The following ZNF385B variants were observed in gnomAD, a reference collection of about 807,000 sequenced individuals.
The protein encoded by ZNF385B is zinc finger protein 385B.
Under a neutral mutation model 39.2 loss-of-function variants are expected in ZNF385B, and 23 were observed. The ratio of observed to expected loss-of-function variants is 0.59; its 90% CI spans 0.42 to 0.83. The LOEUF is 0.83. Ranked by LOEUF, ZNF385B falls within the 40% of genes least tolerant of loss-of-function variation. The pLI, the probability that ZNF385B is intolerant of heterozygous loss-of-function variation, is 0.00. For synonymous variants in ZNF385B, 205 were observed against 222.6 expected (o/e 0.92, Z 0.70); for missense variants, 552 against 598.9 (o/e 0.92, Z 0.82).
chr2:179,486,306 A>C (rs530919340), intron 5 of ZNF385B, among the ~76,000 whole-genome samples: 2 of 152,330 alleles, frequency 1.3e-5, no homozygotes, highest in South Asian at 4.1e-4. Context: ...ACAAACGGGA[A>C]ACTGGGAATA....
chr2:179,734,104 T>G (rs1320386105), intron 3 of ZNF385B, among the ~76,000 whole-genome samples: 1 of 152,250 alleles, frequency 6.6e-6, no homozygotes, highest in Non-Finnish European at 1.5e-5. Flanking sequence ...TATTTTAAAT[T>G]ACTGCATAAT....
At chr2:179,482,410 T>C (rs1026039634) in intron 6 of ZNF385B, among the ~76,000 whole-genome samples, 1 of 152,066 alleles carries the variant, frequency 6.6e-6, no homozygotes, top group Non-Finnish European at 1.5e-5. Context: ...CCTCAAAGAG[T>C]CACTGAAACA....
chr2:179,464,303 G>A (rs1479976638), intron 6 of ZNF385B, among the ~76,000 whole-genome samples: 1 of 152,160 alleles, frequency 6.6e-6, no homozygotes, highest in African/African-American at 2.4e-5. Context: ...TAGGTTGCCT[G>A]TTCACTCTGA....
chr2:179,757,540 G>C lies in ZNF385B; in HGVS notation c.298+11963C>G, dbSNP rs542882167. On this transcript the variant is annotated intron_variant, in intron 3 of 9. Transcript: ENST00000410066. ...AGAGGTTTCTGCTGCCTTTTGTTTG[G>C]CTATGCCCTGCCCCCAGAGGTGGAG... is the stretch of plus-strand genomic sequence containing the variant. Among the ~76,000 whole-genome samples the C allele has an allele frequency of 3.7e-3, 560 of 152,282 alleles. 5 individuals are homozygous for C. Among genetic ancestry groups the C allele is most frequent in the African/African-American group, 0.013 (530 of 41,570 alleles).
intron 1 of ZNF385B, among the ~76,000 whole-genome samples, chr2:179,830,361 A>G (rs913998225): frequency 9.9e-5 from 15 of 152,212 alleles, no homozygotes; most frequent in East Asian, 1.9e-4. Flanking sequence ...GGATCCATCA[A>G]TTGCACTCCT....
At chr2:179,519,762 A>G (rs1047298123) in intron 4 of ZNF385B, among the ~76,000 whole-genome samples, 5 of 152,182 alleles carry the variant, frequency 3.3e-5, no homozygotes, top group African/African-American at 1.2e-4. Context: ...TATTGATACC[A>G]TTGTCTAGGA....
intron 4 of ZNF385B, among the ~76,000 whole-genome samples, chr2:179,519,599 G>T (rs537556796): frequency 6.6e-6 from 1 of 152,160 alleles, no homozygotes; most frequent in Non-Finnish European, 1.5e-5. Flanking sequence ...ACCTAGATCT[G>T]CAGAGCCTAT....
chr2:179,443,041 G>A lies in ZNF385B; in HGVS notation c.*209C>T. ...GAGGAAGTAGGGAGATAAAGCCTATGCTGCTGATTCCTCAATTATAGGAGC... is the reference window on the plus strand; with the variant it reads ...GAGGAAGTAGGGAGATAAAGCCTATACTGCTGATTCCTCAATTATAGGAGC... On this transcript the variant is annotated 3_prime_UTR_variant, in exon 10 of 10. Coordinates refer to ENST00000410066, the MANE Select transcript of ZNF385B (RefSeq NM_152520.6). 9 of 644,470 alleles carry A rather than the reference G, an allele frequency of 1.4e-5. No homozygotes were observed. The South Asian group carries it at 1.5e-4, about 10-fold the overall frequency. The allele number at this position is 644,470 out of a possible 1,614,324, so 39.9% of individuals were successfully genotyped here.
chr2:179,703,304 A>T (rs1398498558), intron 3 of ZNF385B, among the ~76,000 whole-genome samples: 1 of 152,166 alleles, frequency 6.6e-6, no homozygotes, highest in African/African-American at 2.4e-5. Flanking sequence ...CTTCCCCAGA[A>T]ACTACATGAC....
chr2:179,768,188 G>A (rs985340931), intron 3 of ZNF385B, among the ~76,000 whole-genome samples: 9 of 151,714 alleles, frequency 5.9e-5, no homozygotes, highest in Non-Finnish European at 8.8e-5. Flanking sequence ...GACCTCAAGC[G>A]ATCTGCCTGC....
intron 3 of ZNF385B, among the ~76,000 whole-genome samples, chr2:179,614,589 C>G (rs567296222): frequency 1.2e-4 from 19 of 152,170 alleles, no homozygotes; most frequent in African/African-American, 4.3e-4. Context: ...GGAGGTAAAG[C>G]CAAAAGCCAA....
At chr2:179,830,291 T>C (rs991189675) in intron 1 of ZNF385B, among the ~76,000 whole-genome samples, 10 of 152,182 alleles carry the variant, frequency 6.6e-5, no homozygotes, top group Admixed American at 1.3e-4. Context: ...TGCAAAATGG[T>C]TCAGGCACTT....
chr2:179,445,486 T>G, intron 8 of ZNF385B, 64 bp downstream of exon 8: 17 of 1,501,156 alleles, frequency 1.1e-5, no homozygotes, highest in East Asian at 2.3e-5. Flanking sequence ...ATTCTATAGA[T>G]GAGAAGATAC....
intron 6 of ZNF385B, among the ~76,000 whole-genome samples, chr2:179,465,068 A>G (rs1339909187): frequency 6.6e-6 from 1 of 152,036 alleles, no homozygotes; most frequent in Non-Finnish European, 1.5e-5. Context: ...TCAAAGGCAA[A>G]GGTGTCTCTT....
intron 5 of ZNF385B, among the ~76,000 whole-genome samples, chr2:179,483,857 G>A (rs944381320): frequency 6.6e-6 from 1 of 152,142 alleles, no homozygotes; most frequent in Non-Finnish European, 1.5e-5. Context: ...TGTTTGCCAC[G>A]TGTCTACTTT....
At chr2:179,569,127 A>T (rs992738066) in intron 3 of ZNF385B, among the ~76,000 whole-genome samples, 1 of 152,172 alleles carries the variant, frequency 6.6e-6, no homozygotes, top group Non-Finnish European at 1.5e-5. Flanking sequence ...GCACAGAAAG[A>T]CAAAATATCT....
At chr2:179,755,374 A>G (rs1471314934) in intron 3 of ZNF385B, among the ~76,000 whole-genome samples, 1 of 152,158 alleles carries the variant, frequency 6.6e-6, no homozygotes, top group African/African-American at 2.4e-5. Context: ...TTTTGGAATA[A>G]GTGCAATGTG....
At chr2:179,712,758 ATC>A (rs984301969) in intron 3 of ZNF385B, among the ~76,000 whole-genome samples, 9 of 152,186 alleles carry the variant, frequency 5.9e-5, no homozygotes, top group African/African-American at 1.9e-4. Context: ...TTTGAGAAGC[ATC>A]TCTCCTAATA....
intron 3 of ZNF385B, among the ~76,000 whole-genome samples, chr2:179,708,726 C>T (rs539769903): frequency 6.6e-6 from 1 of 152,282 alleles, no homozygotes; most frequent in South Asian, 2.1e-4. Flanking sequence ...GAAATGGACA[C>T]TGTAGTACAG....
Sources: gnomAD v4.1 joint callset for allele counts (sites outside exome capture counted in the v4.1 genomes callset) on GRCh38, gnomAD v4.1.1 for gene constraint, MANE v1.5 for transcripts, NCBI Gene and HGNC (gene_info 2026-07-23, HGNC 2026-07-21) for gene names.